The following VPS36 variants were observed in gnomAD, a reference collection of about 807,000 sequenced individuals.
The protein encoded by VPS36 is vacuolar protein sorting 36 homolog.
In VPS36, 31 loss-of-function variants were observed where a neutral mutation model predicts 63.5. The ratio of observed to expected loss-of-function variants is 0.49; its 90% confidence interval spans 0.37 to 0.66. VPS36 has a LOEUF of 0.66. Among genes scored for constraint, VPS36 ranks in the 30% least tolerant of loss-of-function variants. The probability of loss-of-function intolerance (pLI) is 0.00; values close to 1 mark genes in which losing one functional copy is unlikely to be tolerated. For missense variants in VPS36, 338 were observed against 463.7 expected (o/e 0.73, Z 2.49); for synonymous variants, 138 against 157.2 (o/e 0.88, Z 0.91).
At chr13:52,440,961 C>T (rs1958270274) in intron 2 of VPS36, among the ~76,000 whole-genome samples, 1 of 152,092 alleles carries the variant, frequency 6.6e-6, no homozygotes, top group African/African-American at 2.4e-5. Context: ...GAGGGCATGA[C>T]CTAGATCCCT....
At chr13:52,445,940 A>AG (rs1958337342) in intron 1 of VPS36, among the ~76,000 whole-genome samples, 1 of 25,454 alleles carries the variant, frequency 3.9e-5, no homozygotes, top group Non-Finnish European at 9.3e-5. Context: ...ACTCTATCTC[A>AG]AAAAAAAAAA....
At chr13:52,449,811 C>T (rs974005528) in intron 1 of VPS36, 4 of 538,706 alleles carry the variant, frequency 7.4e-6, no homozygotes, top group Admixed American at 6.4e-5. Flanking sequence ...CTACAAGGCA[C>T]GGTCTACTAT....
intron 4 of VPS36, 24 bp downstream of exon 4, chr13:52,436,266 G>T (rs762533469): frequency 2.1e-5 from 24 of 1,158,544 alleles, no homozygotes; most frequent in Middle Eastern, 2.1e-4. Context: ...TTTCTAGTAC[G>T]ATTTTATTCA....
At chr13:52,426,352 T>C (rs117734929) in intron 8 of VPS36, among the ~76,000 whole-genome samples, 14 of 152,224 alleles carry the variant, frequency 9.2e-5, no homozygotes, top group Non-Finnish European at 1.8e-4. Flanking sequence ...GCCAACCAAA[T>C]AGTACAACTG....
At chr13:52,447,123 C>T (rs188190912) in intron 1 of VPS36, among the ~76,000 whole-genome samples, 113 of 151,966 alleles carry the variant, frequency 7.4e-4, no homozygotes, top group African/African-American at 2.6e-3. Flanking sequence ...AGGATCTACC[C>T]GCCTCAGCCT....
At chr13:52,433,970 T>C (rs1250222670) in intron 5 of VPS36, among the ~76,000 whole-genome samples, 1 of 152,204 alleles carries the variant, frequency 6.6e-6, no homozygotes, top group Non-Finnish European at 1.5e-5. Flanking sequence ...ATACAATAAA[T>C]GGCATATTTT....
chr13:52,441,183 T>G (rs1958272551), intron 2 of VPS36, among the ~76,000 whole-genome samples: 1 of 152,070 alleles, frequency 6.6e-6, no homozygotes, highest in Non-Finnish European at 1.5e-5. Flanking sequence ...AGGGGCAATA[T>G]CAGACCTAGG....
In VPS36 at chr13:52,448,541, A is replaced by G. The variant is rs536577753; in HGVS notation, c.96+1958T>C. 1.8e-4 allele frequency among the ~76,000 whole-genome samples: 28 copies of G among 152,370 alleles called. 1 individual carries two copies. The South Asian group carries it at 5.8e-3, about 32-fold the overall frequency. ...AGAAGAGTTAATTCTGGACTAGATC[A>G]CAGGGTCTAAAGCAATGTTTTCCCC... On this transcript the variant is annotated intron_variant, in intron 1 of 13. Transcript: ENST00000378060.
chr13:52,444,304 C>A (rs2137808949), intron 1 of VPS36, among the ~76,000 whole-genome samples: 2 of 151,824 alleles, frequency 1.3e-5, no homozygotes, highest in South Asian at 4.1e-4. Context: ...TTAAAAAATA[C>A]AAAAAATTAG....
chr13:52,450,623 G>A lies in VPS36; in HGVS notation c.-29C>T. 1.3e-6 allele frequency: 2 copies of A among 1,544,608 alleles called. No homozygotes were observed. Among genetic ancestry groups the A allele is most frequent in the African/African-American group, 1.4e-5 (1 of 70,224 alleles). ...CGCTGCCACCCAGCCCCGGCCCTCC[G>A]AGGCCGCGAGCAGCGCGCCAGGCAG... On this transcript the variant is annotated 5_prime_UTR_variant, in exon 1 of 14. Transcript: ENST00000378060.
At chr13:52,444,985 C>A (rs945766194) in intron 1 of VPS36, among the ~76,000 whole-genome samples, 4 of 152,176 alleles carry the variant, frequency 2.6e-5, no homozygotes, top group African/African-American at 4.8e-5. Context: ...TTTTAAAAAA[C>A]TGTTTTCTAA....
At chr13:52,440,619 T>C (rs1005271145) in intron 2 of VPS36, among the ~76,000 whole-genome samples, 2 of 152,192 alleles carry the variant, frequency 1.3e-5, no homozygotes, top group African/African-American at 4.8e-5. Context: ...TAAACAGTTA[T>C]GTTTAATTTT....
At position 52,412,660 on chromosome 13, in the gene VPS36, T is replaced by A. The variant is rs1957958895; in HGVS notation, c.*3170A>T. 6.6e-6 allele frequency: 1 copy of A among 152,194 alleles called. No homozygotes were observed. The highest frequency in any genetic ancestry group is 1.5e-5 in the Non-Finnish European group (1 of 68,042). The allele number at this position is 152,194 out of a possible 1,614,324, so 9.4% of individuals were successfully genotyped here. The stretch of plus-strand genomic sequence containing the variant: ...GAATTGAATGGGAGCTAAAGTAGGA[T>A]AAAGTGGAGCCAAATTATAAATAGG... On this transcript the variant is annotated 3_prime_UTR_variant, in exon 14 of 14. Transcript: ENST00000378060.
chr13:52,422,963 T>A (rs1158224098), intron 10 of VPS36, among the ~76,000 whole-genome samples: 1 of 152,128 alleles, frequency 6.6e-6, no homozygotes, highest in Non-Finnish European at 1.5e-5. Context: ...GCTGTTCTGG[T>A]GATAGCGAAT....
At chr13:52,449,135 G>A (rs1958373174) in intron 1 of VPS36, among the ~76,000 whole-genome samples, 1 of 152,158 alleles carries the variant, frequency 6.6e-6, no homozygotes, top group Non-Finnish European at 1.5e-5. Flanking sequence ...TTTGAGGTCA[G>A]GAGTTAGAGA....
chr13:52,435,393 A>T (rs924044800), intron 4 of VPS36, among the ~76,000 whole-genome samples: 1 of 146,524 alleles, frequency 6.8e-6, no homozygotes, highest in African/African-American at 2.5e-5. Flanking sequence ...AGCACAAGGG[A>T]AAAAAAAAAA....
At chr13:52,422,724 A>G (rs1165900161) in intron 10 of VPS36, among the ~76,000 whole-genome samples, 3 of 152,228 alleles carry the variant, frequency 2.0e-5, no homozygotes, top group Non-Finnish European at 2.9e-5. Flanking sequence ...CCACAAAAGA[A>G]TTATCTTGCT....
chr13:52,445,939 CAAA>C (rs34529458), intron 1 of VPS36, among the ~76,000 whole-genome samples: 10 of 15,364 alleles, frequency 6.5e-4, no homozygotes, highest in East Asian at 2.7e-3. Context: ...GACTCTATCT[CAAA>C]AAAAAAAAAA....
intron 1 of VPS36, among the ~76,000 whole-genome samples, chr13:52,444,573 T>TAC (rs1018750456): frequency 1.4e-5 from 2 of 147,602 alleles, no homozygotes; most frequent in Non-Finnish European, 3.0e-5. Flanking sequence ...CACATATATA[T>TAC]ACACACACAC....
Sources: gnomAD v4.1 joint callset for allele counts (sites outside exome capture counted in the v4.1 genomes callset) on GRCh38, gnomAD v4.1.1 for gene constraint, MANE v1.5 for transcripts, NCBI Gene and HGNC (gene_info 2026-07-23, HGNC 2026-07-21) for gene names.